MXI1: variants seen among roughly 807,000 people sequenced by gnomAD.
The protein encoded by MXI1 is max-interacting protein 1.
In MXI1, 18 loss-of-function variants were observed where a neutral mutation model predicts 36.9. That is an observed-to-expected ratio of 0.49 (90% CI 0.34 to 0.72). MXI1 has a LOEUF of 0.72. Among genes scored for constraint, MXI1 ranks in the 30% least tolerant of loss-of-function variants. MXI1 has a pLI of 0.01. For missense variants in MXI1, 304 were observed against 379.1 expected, an observed-to-expected ratio of 0.80 and a Z score of 1.64; for synonymous variants, 160 against 146.7, an observed-to-expected ratio of 1.09 and a Z score of -0.65.
intron 1 of MXI1, among the ~76,000 whole-genome samples, chr10:110,225,837 T>A (rs911426412): frequency 3.9e-5 from 6 of 152,008 alleles, no homozygotes; most frequent in African/African-American, 1.4e-4. Context: ...CCTTTGCGAA[T>A]CTTGCGGAAC....
chr10:110,251,010 TAAAA>T (rs60315131), intron 3 of MXI1, among the ~76,000 whole-genome samples: 2 of 54,956 alleles, frequency 3.6e-5, no homozygotes, highest in South Asian at 7.3e-4. Flanking sequence ...AAGTATTTGT[TAAAA>T]AAAAAAAAAA....
At chr10:110,248,285 T>C (rs1445397169) in intron 3 of MXI1, among the ~76,000 whole-genome samples, 1 of 152,140 alleles carries the variant, frequency 6.6e-6, no homozygotes, top group East Asian at 1.9e-4. Context: ...ACATGGCACA[T>C]GTATACATAT....
intron 1 of MXI1, among the ~76,000 whole-genome samples, chr10:110,223,567 G>T (rs1389798258): frequency 6.6e-6 from 1 of 151,902 alleles, no homozygotes; most frequent in South Asian, 2.1e-4. Context: ...GTAAGACTCC[G>T]TCTCAAAAAA....
intron 1 of MXI1, among the ~76,000 whole-genome samples, chr10:110,217,291 A>G (rs1179734530): frequency 6.6e-6 from 1 of 152,204 alleles, no homozygotes; most frequent in Non-Finnish European, 1.5e-5. Flanking sequence ...ATTCAAACTG[A>G]AGCCAATTAA....
intron 3 of MXI1, among the ~76,000 whole-genome samples, chr10:110,251,189 G>A (rs1856072019): frequency 6.6e-6 from 1 of 151,826 alleles, no homozygotes. Context: ...TAGAAAGGCA[G>A]AAAGTTTGAG....
chr10:110,249,026 A>G (rs1293103600), intron 3 of MXI1, among the ~76,000 whole-genome samples: 2 of 152,170 alleles, frequency 1.3e-5, no homozygotes, highest in Non-Finnish European at 2.9e-5. Context: ...TATTATTTTT[A>G]CATTTTAAGG....
chr10:110,212,191 A>T (rs1019181643), intron 1 of MXI1, among the ~76,000 whole-genome samples: 8 of 152,168 alleles, frequency 5.3e-5, no homozygotes, highest in Non-Finnish European at 5.9e-5. Flanking sequence ...AGAAAGCCAT[A>T]AGGCTCCTTG....
chr10:110,282,033 CTCA>C (rs1857268677), intron 5 of MXI1, among the ~76,000 whole-genome samples: 2 of 152,104 alleles, frequency 1.3e-5, no homozygotes, highest in African/African-American at 4.8e-5. Context: ...TAAACATTTT[CTCA>C]TCAACTTTTC....
intron 3 of MXI1, among the ~76,000 whole-genome samples, chr10:110,258,020 C>G (rs566373489): frequency 2.0e-5 from 3 of 151,610 alleles, no homozygotes; most frequent in Admixed American, 6.6e-5. Flanking sequence ...AAAATTAAGA[C>G]TAGATATTGA....
intron 2 of MXI1, among the ~76,000 whole-genome samples, chr10:110,231,855 A>G (rs535955543): frequency 6.6e-6 from 1 of 152,296 alleles, no homozygotes; most frequent in South Asian, 2.1e-4. Context: ...TTCTTCCTAA[A>G]TATCTCTTCA....
intron 3 of MXI1, among the ~76,000 whole-genome samples, chr10:110,246,511 G>C (rs1382566090): frequency 6.6e-6 from 1 of 152,166 alleles, no homozygotes; most frequent in Non-Finnish European, 1.5e-5. Context: ...GCTTAGCATA[G>C]TTTTTCAGGC....
At chr10:110,214,133 T>C (rs1022900763) in intron 1 of MXI1, among the ~76,000 whole-genome samples, 4 of 152,208 alleles carry the variant, frequency 2.6e-5, no homozygotes, top group Non-Finnish European at 5.9e-5. Context: ...GAGCCTGTGC[T>C]CTTAACCATA....
chr10:110,270,963 A>C (rs1254221080), intron 3 of MXI1, among the ~76,000 whole-genome samples: 1 of 152,046 alleles, frequency 6.6e-6, no homozygotes, highest in East Asian at 1.9e-4. Flanking sequence ...TTGGTGGCAC[A>C]TGCCTGTAAT....
chr10:110,229,239 A>G (rs1855172182), intron 2 of MXI1, among the ~76,000 whole-genome samples: 2 of 152,220 alleles, frequency 1.3e-5, no homozygotes, highest in African/African-American at 2.4e-5. Context: ...TGCCTTTTCC[A>G]TTGATAAGGG....
At chr10:110,284,558 C>T (rs1174059735) in intron 5 of MXI1, among the ~76,000 whole-genome samples, 1 of 152,140 alleles carries the variant, frequency 6.6e-6, no homozygotes, top group African/African-American at 2.4e-5. Context: ...CCAAATACGC[C>T]AAGTGCTTTA....
In MXI1 at chr10:110,226,075, G is replaced by A. The variant is rs1408032991; in HGVS notation, c.275-2114G>A. The A allele has an allele frequency of 1.1e-5, 12 of 1,044,748 alleles. No individual in the cohort carries two copies. In the African/African-American group the frequency reaches 1.9e-4, roughly 16 times the overall value. 64.7% of individuals were successfully genotyped at this position (1,044,748 alleles called of 1,614,324 possible). ...GGGCGGCAGGGGCGGCGGAGAGCGC[G>A]CCGAGCCGCGGCCGAGCTGGCCCGC... is the stretch of plus-strand genomic sequence containing the variant. On this transcript the variant is annotated intron_variant, in intron 1 of 5. Coordinates refer to ENST00000332674, the MANE Select transcript of MXI1 (RefSeq NM_130439.3).
At chr10:110,236,968 G>C (rs1464098914) in intron 2 of MXI1, among the ~76,000 whole-genome samples, 1 of 152,042 alleles carries the variant, frequency 6.6e-6, no homozygotes, top group Non-Finnish European at 1.5e-5. Context: ...GTATTTTTTA[G>C]GTTTTCAGAG....
Position 110,287,095 on chromosome 10 carries a change from T to G in MXI1, c.*2108T>G, listed in dbSNP as rs935421407. 6.6e-6 allele frequency: 1 copy of G among 152,244 alleles called. No homozygotes were observed. The highest frequency in any genetic ancestry group is 1.5e-5 in the Non-Finnish European group (1 of 68,042). The allele number at this position is 152,244 out of a possible 1,614,324, so 9.4% of individuals were successfully genotyped here. A position where few individuals can be genotyped will look rare whatever the true frequency, so the allele number is the denominator to read the frequency against. On this transcript the variant is annotated 3_prime_UTR_variant, in exon 6 of 6. Coordinates refer to ENST00000332674, the MANE Select transcript of MXI1 (RefSeq NM_130439.3). ...GACTAAGCTTCTGTTTGTTTTGTTA[T>G]TCTCATGGCCTTCGCTTGCATTATT...
At chr10:110,227,589 CA>C (rs1855102623) in intron 1 of MXI1, 1 of 932,646 alleles carries the variant, frequency 1.1e-6, no homozygotes, top group African/African-American at 2.1e-5. Flanking sequence ...TGGGGGGGGT[CA>C]GGGGAAGGGA....
Sources: allele counts gnomAD v4.1 joint callset (sites outside exome capture counted in the v4.1 genomes callset), GRCh38; gene constraint gnomAD v4.1.1; transcripts MANE v1.5; gene names NCBI Gene and HGNC (gene_info 2026-07-23, HGNC 2026-07-21).